Variants in COL6A5 observed in about 807,000 individuals in gnomAD.
COL6A5 encodes the protein collagen alpha-5(VI) chain.
A neutral mutation model predicts 65.6 loss-of-function variants in COL6A5; 48 were observed. That is an observed-to-expected ratio of 0.73 (90% CI 0.58 to 0.93). The LOEUF (loss-of-function observed/expected upper bound fraction) is 0.93. Ranked by LOEUF, COL6A5 falls within the 40% of genes least tolerant of loss-of-function variation. The pLI is 0.00. For missense variants in COL6A5, 914 were observed against 928.3 expected, an observed-to-expected ratio of 0.98 and a Z score of 0.20; for synonymous variants, 291 against 322.8, an observed-to-expected ratio of 0.90 and a Z score of 1.05.
chr3:130,390,150 A>G (rs1936342270), intron 6 of COL6A5, among the ~76,000 whole-genome samples: 2 of 152,304 alleles, frequency 1.3e-5, no homozygotes, highest in East Asian at 1.9e-4. Flanking sequence ...CCTAAAGGCT[A>G]TAGCTTCAAC....
At chr3:130,365,937 A>T (rs1935320592) in intron 1 of COL6A5, among the ~76,000 whole-genome samples, 1 of 152,204 alleles carries the variant, frequency 6.6e-6, no homozygotes, top group Non-Finnish European at 1.5e-5. Context: ...TTCTTTCTTA[A>T]GAAAGTAATA....
At chr3:130,417,076 C>T (rs1937365947) in intron 24 of COL6A5, among the ~76,000 whole-genome samples, 1 of 151,688 alleles carries the variant, frequency 6.6e-6, no homozygotes, top group African/African-American at 2.4e-5. Context: ...TAATGCTCTC[C>T]CTCTCCTTGG....
At position 130,472,301 on chromosome 3, in the gene COL6A5, TCC is replaced by T. The variant is rs369769623; in HGVS notation, c.2328+1336_2328+1337del. Among the ~76,000 whole-genome samples the T allele has an allele frequency of 1.3e-4, 20 of 152,132 alleles. No individual in the cohort carries two copies. The East Asian group carries it at 3.9e-3, about 30-fold the overall frequency. On this transcript the variant is annotated intron_variant, in intron 7 of 7. Transcript: ENST00000512836. ...GTTTTAATACTCGAGATCTGCTCTCTCCCTTAACAACTAGGGTTTTCTTGGTT... is the reference window on the plus strand; with the variant it reads ...GTTTTAATACTCGAGATCTGCTCTCTCTTAACAACTAGGGTTTTCTTGGTT...
chr3:130,451,979 A>G (rs932733403), intron 4 of COL6A5, among the ~76,000 whole-genome samples: 18 of 152,160 alleles, frequency 1.2e-4, no homozygotes, highest in Admixed American at 1.2e-3. Flanking sequence ...CACCAACACG[A>G]TCCCATAGTT....
In COL6A5 at chr3:130,438,054, A is replaced by G. The variant is rs377640651; in HGVS notation, c.488-1468A>G. Among the ~76,000 whole-genome samples the G allele has an allele frequency of 3.3e-5, 5 of 152,258 alleles. No individual in the cohort carries two copies. The East Asian group carries it at 5.8e-4, about 18-fold the overall frequency. On this transcript the variant is annotated intron_variant, in intron 1 of 7. Coordinates refer to ENST00000512836, the Ensembl canonical transcript of COL6A5. ...CGCTCTGTCACCCCGGTTGGAGTGC[A>G]GTGGCACGATCTTGGCTCACTGTAA...
chr3:130,465,168 G>T (rs752114597), intron 5 of COL6A5, among the ~76,000 whole-genome samples: 15 of 152,042 alleles, frequency 9.9e-5, no homozygotes, highest in Non-Finnish European at 1.8e-4. Flanking sequence ...CAAGAAGAGG[G>T]CATTGAGGAG....
intron 16 of COL6A5, 41 bp downstream of exon 16, chr3:130,406,216 GT>G: frequency 6.5e-7 from 1 of 1,549,384 alleles, no homozygotes. Flanking sequence ...CTGTCATGAG[GT>G]TGCTAAAATT....
Position 130,432,039 on chromosome 3 carries a change from T to C in COL6A5, c.487+90T>C, listed in dbSNP as rs1465452982. ...ATGGGAGTGGTAGAGAGTCAAGAAA[T>C]ATATGTGGCCTCTTGAAAACTCCTT... On this transcript the variant is annotated intron_variant, in intron 1 of 7. Transcript: ENST00000512836. 3.0e-6 allele frequency: 4 copies of C among 1,342,462 alleles called. No individual in the cohort carries two copies. In the East Asian group the frequency reaches 1.0e-4, roughly 34 times the overall value. 83.2% of individuals were successfully genotyped at this position (1,342,462 alleles called of 1,614,324 possible). A position where few individuals can be genotyped will look rare whatever the true frequency, so the allele number is the denominator to read the frequency against.
At chr3:130,413,938 C>G in intron 21 of COL6A5, 131 bp from the exon 22 acceptor site, 1 of 697,162 alleles carries the variant, frequency 1.4e-6, no homozygotes, top group Non-Finnish European at 2.5e-6. Flanking sequence ...CTGTAAAATC[C>G]TAGGCCAAGT....
chr3:130,440,940 T>C, intron 3 of COL6A5, 115 bp downstream of exon 35: 3 of 814,808 alleles, frequency 3.7e-6, no homozygotes, highest in Non-Finnish European at 5.7e-6. Context: ...ATGAATTAGA[T>C]GGTGAGATAG....
intron 5 of COL6A5, among the ~76,000 whole-genome samples, chr3:130,463,709 C>T (rs1559916841): frequency 6.6e-6 from 1 of 152,102 alleles, no homozygotes; most frequent in Non-Finnish European, 1.5e-5. Context: ...AGAAAATACA[C>T]AGCGCCATTG....
intron 1 of COL6A5, among the ~76,000 whole-genome samples, chr3:130,432,934 A>G (rs1937882437): frequency 6.6e-6 from 1 of 152,168 alleles, no homozygotes; most frequent in African/African-American, 2.4e-5. Context: ...CTGTTCAACA[A>G]CTTTTCAGTA....
chr3:130,395,576 G>T, intron 8 of COL6A5, 111 bp downstream of exon 8: 5 of 830,448 alleles, frequency 6.0e-6, no homozygotes, highest in Non-Finnish European at 7.6e-6. Flanking sequence ...CATATATTTA[G>T]TGAGAATATC....
chr3:130,482,461 T>C (rs1710275541), intron 7 of COL6A5, among the ~76,000 whole-genome samples: 1 of 152,200 alleles, frequency 6.6e-6, no homozygotes, highest in Non-Finnish European at 1.5e-5. Flanking sequence ...TGTAGTATAG[T>C]TTGAAGTCAG....
chr3:130,377,803 G>A (rs1324206189), intron 3 of COL6A5, among the ~76,000 whole-genome samples: 1 of 152,120 alleles, frequency 6.6e-6, no homozygotes, highest in African/African-American at 2.4e-5. Flanking sequence ...ATGGCATTTG[G>A]CACACTGTTT....
At chr3:130,417,967 G>A (rs557612107) in intron 24 of COL6A5, among the ~76,000 whole-genome samples, 2 of 152,168 alleles carry the variant, frequency 1.3e-5, no homozygotes, top group East Asian at 3.9e-4. Flanking sequence ...CTAATGTATA[G>A]CATGGTGACT....
chr3:130,395,304 G>T (rs1238498322), exon 8 of COL6A5: 2 of 1,551,568 alleles, frequency 1.3e-6, no homozygotes, highest in Non-Finnish European at 1.7e-6. Context: ...CTTGGAATTT[G>T]TGTCCTGGTT....
intron 1 of COL6A5, among the ~76,000 whole-genome samples, chr3:130,433,950 T>C (rs959386523): frequency 2.0e-5 from 3 of 151,002 alleles, no homozygotes; most frequent in Non-Finnish European, 4.4e-5. Context: ...TTACCTTTTT[T>C]TTTATTTCTT....
At chr3:130,470,901 T>C in exon 7 of COL6A5, 1 of 1,612,424 alleles carries the variant, frequency 6.2e-7, no homozygotes, top group Non-Finnish European at 8.5e-7. Context: ...ACCGAAGATA[T>C]GAAAGCCACA....
Sources: gnomAD v4.1 joint callset for allele counts (sites outside exome capture counted in the v4.1 genomes callset) on GRCh38, gnomAD v4.1.1 for gene constraint, MANE v1.5 for transcripts, NCBI Gene and HGNC (gene_info 2026-07-23, HGNC 2026-07-21) for gene names.